ARK2N: variants seen among roughly 807,000 people sequenced by gnomAD.
ARK2N encodes the protein arkadia (RNF111) N-terminal like PKA signaling regulator 2N.
chr18:46,233,326 A>G, the ARK2N span, among the ~76,000 whole-genome samples: 1 of 152,122 alleles, frequency 6.6e-6, no homozygotes, highest in Non-Finnish European at 1.5e-5. Context: ...ATATATCTAA[A>G]TTTTGTGCTC....
chr18:46,229,036 T>C, the ARK2N span: 2 of 376,580 alleles, frequency 5.3e-6, no homozygotes, highest in Non-Finnish European at 9.4e-6. Flanking sequence ...CTGATTAAAT[T>C]CTTAGAACCT....
chr18:46,223,524 T>C, the ARK2N span, among the ~76,000 whole-genome samples: 19 of 152,186 alleles, frequency 1.2e-4, no homozygotes, highest in African/African-American at 3.9e-4. Flanking sequence ...TTATATTTGA[T>C]AGTGAGACAG....
chr18:46,234,224 G>A, the ARK2N span, among the ~76,000 whole-genome samples: 1 of 152,148 alleles, frequency 6.6e-6, no homozygotes, highest in Non-Finnish European at 1.5e-5. Flanking sequence ...TTGAGATGGA[G>A]TCTTGCTCTG....
the ARK2N span, among the ~76,000 whole-genome samples, chr18:46,255,278 A>G: frequency 6.6e-6 from 1 of 152,238 alleles, no homozygotes; most frequent in East Asian, 1.9e-4. Context: ...CCGTCTCCCC[A>G]AAAGTGGCCA....
At chr18:46,249,032 A>G in the ARK2N span, among the ~76,000 whole-genome samples, 7 of 152,106 alleles carry the variant, frequency 4.6e-5, no homozygotes, top group Non-Finnish European at 8.8e-5. Flanking sequence ...TCACTTATAG[A>G]GTTGACTTTC....
chr18:46,184,922 C>G, the ARK2N span, among the ~76,000 whole-genome samples: 123,969 of 151,790 alleles, frequency 0.82, 50,854 homozygotes, highest in South Asian at 0.91. Flanking sequence ...TTTGCGTATA[C>G]ACACACAATC....
At chr18:46,250,212 T>C in the ARK2N span, among the ~76,000 whole-genome samples, 3 of 152,076 alleles carry the variant, frequency 2.0e-5, no homozygotes, top group Admixed American at 2.0e-4. Context: ...GTTTCACTCA[T>C]TTATGAAACA....
the ARK2N span, among the ~76,000 whole-genome samples, chr18:46,252,518 C>T: frequency 1.3e-5 from 2 of 152,166 alleles, no homozygotes; most frequent in African/African-American, 4.8e-5. Context: ...TTGTGATCCG[C>T]CCACCTTGGC....
the ARK2N span, among the ~76,000 whole-genome samples, chr18:46,262,093 A>G: frequency 6.6e-6 from 1 of 152,230 alleles, no homozygotes; most frequent in African/African-American, 2.4e-5. Context: ...ATGAGAGGAC[A>G]TAGCATTGAT....
chr18:46,200,382 A>T, the ARK2N span, among the ~76,000 whole-genome samples: 1 of 152,046 alleles, frequency 6.6e-6, no homozygotes, highest in African/African-American at 2.4e-5. Context: ...ATCTTGGCTC[A>T]CTGCAACCTC....
the ARK2N span, among the ~76,000 whole-genome samples, chr18:46,210,486 G>A: frequency 6.6e-6 from 1 of 152,094 alleles, no homozygotes; most frequent in African/African-American, 2.4e-5. Context: ...ATGTGATTGT[G>A]GTACCTTTCC....
chr18:46,219,743 A>G, the ARK2N span, among the ~76,000 whole-genome samples: 3 of 152,126 alleles, frequency 2.0e-5, no homozygotes, highest in South Asian at 4.1e-4. Context: ...TGCTGTGATT[A>G]CAGGTGTGAG....
chr18:46,255,370 G>A, the ARK2N span, among the ~76,000 whole-genome samples: 1 of 151,026 alleles, frequency 6.6e-6, no homozygotes, highest in African/African-American at 2.4e-5. Context: ...TATTCTGTAA[G>A]TATGCCTGTA....
At chr18:46,194,462 TTTTG>T in the ARK2N span, among the ~76,000 whole-genome samples, 1 of 150,624 alleles carries the variant, frequency 6.6e-6, no homozygotes, top group Non-Finnish European at 1.5e-5. Context: ...AGAATCTTTT[TTTTG>T]TTTTTTTTTT....
the ARK2N span, chr18:46,253,747 G>A: frequency 1.2e-6 from 2 of 1,613,416 alleles, no homozygotes; most frequent in South Asian, 1.1e-5. Flanking sequence ...TGCTGGCAAT[G>A]CGCCACTCAA....
At chr18:46,216,596 G>C in the ARK2N span, 1 of 1,604,382 alleles carries the variant, frequency 6.2e-7, no homozygotes, top group Non-Finnish European at 8.5e-7. This position sits in a 1 kb window ranked among gnomAD's most constrained non-coding sequence, Gnocchi z 4.3. Context: ...GAGATACCAG[G>C]TAGAGGATGT....
At chr18:46,183,000 C>T in the ARK2N span, among the ~76,000 whole-genome samples, 12 of 151,826 alleles carry the variant, frequency 7.9e-5, no homozygotes, top group Non-Finnish European at 1.6e-4. Flanking sequence ...AGTTCCCTTT[C>T]TGTACTCTAA....
chr18:46,212,534 T>C, the ARK2N span, among the ~76,000 whole-genome samples: 2 of 152,218 alleles, frequency 1.3e-5, no homozygotes, highest in South Asian at 2.1e-4. Context: ...ATTTTTTTAA[T>C]GGCCACATTG....
the ARK2N span, among the ~76,000 whole-genome samples, chr18:46,226,271 C>A: frequency 4.6e-5 from 7 of 152,160 alleles, no homozygotes; most frequent in Non-Finnish European, 1.0e-4. Flanking sequence ...TAGACTGCAG[C>A]TTGATTTCAT....
Sources: gnomAD v4.1 joint callset for allele counts (sites outside exome capture counted in the v4.1 genomes callset) on GRCh38, gnomAD v4.1.1 for gene constraint, Gnocchi (gnomAD v3.1) non-coding constraint, MANE v1.5 for transcripts, NCBI Gene and HGNC (gene_info 2026-07-23, HGNC 2026-07-21) for gene names.